The following HPS4 variants were observed in gnomAD, a reference collection of about 807,000 sequenced individuals.
HPS4 encodes the protein HPS4 biogenesis of lysosomal organelles complex 3 subunit 2.
HPS4 carries 44 observed loss-of-function variants against 70.3 expected under a neutral mutation model. That is an observed-to-expected ratio of 0.63 (90% confidence interval 0.49 to 0.80). The LOEUF (loss-of-function observed/expected upper bound fraction) is 0.80, where lower values mean the gene tolerates loss of function less well. HPS4 is among the 30% of genes least tolerant of loss of function. The probability of loss-of-function intolerance (pLI) is 0.00; values close to 1 mark genes in which losing one functional copy is unlikely to be tolerated. For synonymous variants in HPS4, 377 were observed against 355.9 expected, an observed-to-expected ratio of 1.06 and a Z score of -0.67; for missense variants, 873 against 884.4, an observed-to-expected ratio of 0.99 and a Z score of 0.16.
Position 26,452,301 on chromosome 22 carries a change from C to T in HPS4, c.*932G>A, listed in dbSNP as rs1018412279. ...CATCCTGCAGTCTGTCTCATACTGT[C>T]AAAAAAATGTCTGACTATAACGTAA... On this transcript the variant is annotated 3_prime_UTR_variant, in exon 14 of 14. Transcript: ENST00000398145. 1.1e-5 allele frequency: 5 copies of T among 455,180 alleles called. No homozygotes were observed. The highest frequency in any genetic ancestry group is 2.2e-5 in the Non-Finnish European group (5 of 226,632). 28.2% of individuals were successfully genotyped at this position (455,180 alleles called of 1,614,324 possible).
chr22:26,464,126 C>T lies in HPS4; in HGVS notation c.1504G>A (p.Ala502Thr), dbSNP rs767852159. Reference protein sequence around the residue: ...EDVDGVCESHAAPGLECSSGS... With the variant: ...EDVDGVCESHTAPGLECSSGS... ...GAACTGCATTCCAGACCAGGGGCTG[C>T]GTGGCTTTCACAGACCCCATCAACA... Residue 502 changes from alanine to threonine, a missense_variant, in exon 11 of 14, where the codon GCA becomes ACA. Transcript: ENST00000398145. The T allele has an allele frequency of 3.5e-5, 57 of 1,614,264 alleles. No individual in the cohort carries two copies. Among genetic ancestry groups the T allele is most frequent in the Middle Eastern group, 1.7e-4 (1 of 6,060 alleles).
intron 4 of HPS4, 110 bp downstream of exon 4, chr22:26,476,883 T>C: frequency 1.7e-6 from 2 of 1,152,670 alleles, no homozygotes; most frequent in Non-Finnish European, 2.6e-6. Context: ...ACACAGTACA[T>C]GGATGAGGTT....
chr22:26,464,741 C>T lies in HPS4; in HGVS notation c.889G>A (p.Ala297Thr), dbSNP rs375477724. Residue 297 changes from alanine (A) to threonine (T), a missense_variant, in exon 11 of 14, where the codon GCC becomes ACC. Ala to Thr is a moderately conservative substitution (Grantham distance 58). Transcript: ENST00000398145. Reference sequence around the variant, plus strand: ...GCCATGGATTCCACATGGCCAGTGGCGTTTTCTTTCAGGGCAGATGTGCTC... The same window carrying T: ...GCCATGGATTCCACATGGCCAGTGGTGTTTTCTTTCAGGGCAGATGTGCTC... ...GGSTSALKEN[A>T]TGHVESMAWT... 3.8e-6 allele frequency: 6 copies of T among 1,590,598 alleles called. No individual in the cohort carries two copies. The highest frequency in any genetic ancestry group is 2.2e-5 in the East Asian group (1 of 44,602).
intron 12 of HPS4, 57 bp from the exon 13 acceptor site, chr22:26,458,024 C>T (rs2086486447): frequency 1.1e-5 from 14 of 1,316,850 alleles, no homozygotes; most frequent in Admixed American, 1.9e-5. Flanking sequence ...TGCCCTCCCA[C>T]CCCATGAAGC....
intron 13 of HPS4, 145 bp downstream of exon 13, chr22:26,457,714 T>C (rs994485473): frequency 5.6e-5 from 39 of 700,802 alleles, no homozygotes; most frequent in Non-Finnish European, 8.8e-5. Flanking sequence ...ATGGCGGCAA[T>C]AGGAACCGAC....
At chr22:26,460,471 G>T (rs780361335) in intron 11 of HPS4, among the ~76,000 whole-genome samples, 4 of 152,234 alleles carry the variant, frequency 2.6e-5, no homozygotes, top group Admixed American at 6.5e-5. Context: ...TGGACCTCAA[G>T]AACGTGCTAA....
At chr22:26,453,910 G>A (rs1415223160) in intron 13 of HPS4, 1 of 194,884 alleles carries the variant, frequency 5.1e-6, no homozygotes, top group East Asian at 1.3e-4. Flanking sequence ...CACTGGGGGT[G>A]GCTGGATAGA....
At position 26,464,593 on chromosome 22, in the gene HPS4, CT is replaced by C. The variant is rs1394295822; in HGVS notation, c.1036del (p.Arg346GlyfsTer15). On this transcript the variant is annotated frameshift_variant, in exon 11 of 14. Coordinates refer to ENST00000398145, the MANE Select transcript of HPS4 (RefSeq NM_022081.6). LOFTEE classifies it high-confidence loss of function. ...GGAGCTGAGGCCAAGAACCTCACCC[CT>C]GGCAGAGTTGTGCAGTCCTGCGGGC... Reference protein sequence around the residue: ...IRPAGLHNSARGEVLGLSSSL... With the variant: ...IRPAGLHNSAXGEVLGLSSSL... 6.2e-7 allele frequency: 1 copy of C among 1,614,212 alleles called. No homozygotes were observed. Among genetic ancestry groups the C allele is most frequent in the African/African-American group, 1.3e-5 (1 of 75,050 alleles).
chr22:26,449,584 G>T (rs2085072638), downstream of HPS4, among the ~76,000 whole-genome samples: 1 of 152,030 alleles, frequency 6.6e-6, no homozygotes, highest in East Asian at 1.9e-4. Flanking sequence ...ACCCGCCTCG[G>T]CCTCCCAAAG....
chr22:26,464,320 T>A lies in HPS4; in HGVS notation c.1310A>T (p.His437Leu). The A allele has an allele frequency of 6.2e-7, 1 of 1,614,116 alleles. No individual in the cohort carries two copies. Among genetic ancestry groups the A allele is most frequent in the Non-Finnish European group, 8.5e-7 (1 of 1,180,020 alleles). The change falls in exon 11 of 14, where the codon CAT (histidine) becomes CTT (leucine). Residue 437 changes from histidine to leucine, a missense_variant. By Grantham distance (99) the His-to-Leu change is moderately conservative (BLOSUM62 -3). Coordinates refer to ENST00000398145, the MANE Select transcript of HPS4 (RefSeq NM_022081.6). ...GTCTTCGAGCTGCTCTTGGGCTCCA[T>A]GCTGGGTCAGCATCTCAGGAGCAGA... ...PPSAPEMLTQ[H>L]GAQEQLEDHP...
intron 2 of HPS4, among the ~76,000 whole-genome samples, chr22:26,480,919 AAAAC>A (rs1341541943): frequency 2.6e-5 from 4 of 152,248 alleles, no homozygotes; most frequent in South Asian, 4.1e-4. Flanking sequence ...CCCTGTCTCA[AAAAC>A]AAACAAACAA....
downstream of HPS4, among the ~76,000 whole-genome samples, chr22:26,449,441 C>T (rs925419987): frequency 1.3e-5 from 2 of 151,606 alleles, no homozygotes; most frequent in Admixed American, 6.6e-5. Flanking sequence ...AGCAATTCTC[C>T]GGCTTCGGCC....
At chr22:26,461,148 C>A (rs915866015) in intron 11 of HPS4, among the ~76,000 whole-genome samples, 2 of 152,238 alleles carry the variant, frequency 1.3e-5, no homozygotes, top group Admixed American at 6.5e-5. Context: ...CAGTGTGTGA[C>A]ACAGCGTGCA....
chr22:26,470,179 G>C (rs928044849), intron 7 of HPS4, among the ~76,000 whole-genome samples: 2 of 152,238 alleles, frequency 1.3e-5, no homozygotes, highest in African/African-American at 4.8e-5. Context: ...AGTGGCTCTT[G>C]GGCACTCAGA....
chr22:26,464,618 G>A lies in HPS4; in HGVS notation c.1012C>T (p.Pro338Ser). Residue 338 changes from proline (P) to serine (S), a missense_variant, in exon 11 of 14, where the codon CCC becomes TCC. Transcript: ENST00000398145. Reference protein sequence around the residue: ...LSGHDLESIRPAGLHNSARGE... With the variant: ...LSGHDLESIRSAGLHNSARGE... Reference sequence around the variant, plus strand: ...CTGGCAGAGTTGTGCAGTCCTGCGGGCCTGATGCTCTCCAGATCATGGCCA... The same window carrying A: ...CTGGCAGAGTTGTGCAGTCCTGCGGACCTGATGCTCTCCAGATCATGGCCA... 1 of 1,614,170 alleles carries A rather than the reference G, an allele frequency of 6.2e-7. No homozygotes were observed. The highest frequency in any genetic ancestry group is 8.5e-7 in the Non-Finnish European group (1 of 1,180,024).
At chr22:26,476,473 A>G (rs187468197) in intron 4 of HPS4, 7 of 158,102 alleles carry the variant, frequency 4.4e-5, no homozygotes, top group Admixed American at 4.3e-4. Flanking sequence ...CAGCCTCCCC[A>G]GTAGCTAAGA....
chr22:26,443,682 C>G (rs2084877870), downstream of HPS4: 1 of 152,472 alleles, frequency 6.6e-6, no homozygotes, highest in Non-Finnish European at 1.5e-5. Flanking sequence ...GCCTCTGATG[C>G]TGGCACACTG....
At chr22:26,448,912 C>T (rs910004895), downstream of HPS4, among the ~76,000 whole-genome samples, 1 of 152,140 alleles carries the variant, frequency 6.6e-6, no homozygotes, top group African/African-American at 2.4e-5. Context: ...CACAGAGAGC[C>T]GGGTGGCAGT....
chr22:26,459,329 T>TA (rs1477190174), intron 11 of HPS4, among the ~76,000 whole-genome samples: 1 of 152,248 alleles, frequency 6.6e-6, no homozygotes, highest in South Asian at 2.1e-4. Flanking sequence ...TCCAAGGAGA[T>TA]AAAGTTTAAG....
Sources: gnomAD v4.1 joint callset for allele counts (sites outside exome capture counted in the v4.1 genomes callset) on GRCh38, gnomAD v4.1.1 for gene constraint, MANE v1.5 for transcripts, NCBI Gene and HGNC (gene_info 2026-07-23, HGNC 2026-07-21) for gene names.